SAFB2: variants seen among roughly 807,000 people sequenced by gnomAD.
SAFB2 encodes the protein scaffold attachment factor B2.
Under a neutral mutation model 100.6 loss-of-function variants are expected in SAFB2, and 32 were observed. The observed-to-expected ratio is 0.32, with a 90% CI of 0.24 to 0.43. The LOEUF (loss-of-function observed/expected upper bound fraction) is 0.43. SAFB2 is among the 20% of genes least tolerant of loss of function. The pLI, the probability that SAFB2 is intolerant of heterozygous loss-of-function variation, is 1.00. For missense variants in SAFB2, 1,185 were observed against 1,163.4 expected, an observed-to-expected ratio of 1.02 and a Z score of -0.27; for synonymous variants, 500 against 439.4, an observed-to-expected ratio of 1.14 and a Z score of -1.72.
chr19:5,606,233 G>A (rs541155017), intron 9 of SAFB2, among the ~76,000 whole-genome samples: 1 of 152,354 alleles, frequency 6.6e-6, no homozygotes, highest in South Asian at 2.1e-4. Context: ...TGTGTGTCCA[G>A]TACCTCAGCT....
At chr19:5,602,884 G>A (rs1201923493) in intron 11 of SAFB2, among the ~76,000 whole-genome samples, 3 of 151,962 alleles carry the variant, frequency 2.0e-5, no homozygotes, top group Non-Finnish European at 2.9e-5. Context: ...TTTTGAAGTT[G>A]CTGATTAAAT....
chr19:5,604,891 G>A lies in SAFB2; in HGVS notation c.1342C>T (p.Arg448Ter). ...GACATGGTGACGAATCCATAGCATC[G>A]AGCCCCCGGGCTGCGGGCGTTCGTT... The part of the protein sequence containing the change: ...VVTNARSPGA[R>*]CYGFVTMSTS... The change falls in exon 10 of 21, where the codon CGA (arginine) becomes TGA (stop). Residue 448 changes from arginine to a stop codon, truncating the protein, a stop_gained. Transcript: ENST00000252542. LOFTEE classifies it high-confidence loss of function. The A allele has an allele frequency of 6.2e-7, 1 of 1,613,894 alleles. No homozygotes were observed.
At chr19:5,592,246 C>T (rs2052424702) in intron 16 of SAFB2, among the ~76,000 whole-genome samples, 3 of 152,192 alleles carry the variant, frequency 2.0e-5, no homozygotes, top group Non-Finnish European at 2.9e-5. Context: ...CAGAGATGTG[C>T]AGCCGAGGGG....
At chr19:5,610,832 TG>T in intron 7 of SAFB2, 144 bp from the exon 8 acceptor site, 1 of 750,694 alleles carries the variant, frequency 1.3e-6, no homozygotes, top group Non-Finnish European at 2.1e-6. Flanking sequence ...AAGCTTATAT[TG>T]GAAAATCTGA....
At chr19:5,591,111 G>A (rs999079185) in intron 17 of SAFB2, among the ~76,000 whole-genome samples, 1 of 151,990 alleles carries the variant, frequency 6.6e-6, no homozygotes, top group Admixed American at 6.6e-5. Flanking sequence ...ACCACCATTT[G>A]GGTTCTTGGG....
intron 18 of SAFB2, chr19:5,588,989 G>A (rs146946126): frequency 6.6e-6 from 1 of 152,370 alleles, no homozygotes; most frequent in East Asian, 1.9e-4. Flanking sequence ...AAAGCAGCCA[G>A]ACCCATCTGC....
At chr19:5,596,427 C>T (rs535308027) in intron 13 of SAFB2, among the ~76,000 whole-genome samples, 4 of 152,318 alleles carry the variant, frequency 2.6e-5, no homozygotes, top group African/African-American at 9.6e-5. Flanking sequence ...GGCTCAGTCA[C>T]AGCTCACTGC....
intron 13 of SAFB2, among the ~76,000 whole-genome samples, chr19:5,597,770 T>C: frequency 6.6e-6 from 1 of 152,220 alleles, no homozygotes; most frequent in East Asian, 1.9e-4. Flanking sequence ...CTCTGTATCT[T>C]ATGATTTTCA....
intron 13 of SAFB2, among the ~76,000 whole-genome samples, chr19:5,597,117 A>C (rs565656764): frequency 6.6e-6 from 1 of 152,266 alleles, no homozygotes; most frequent in South Asian, 2.1e-4. Flanking sequence ...ATACCACCGC[A>C]CAGTGGGCAG....
rs1031422756 is a variant in SAFB2, at chr19:5,616,654, T to C, written c.275-168A>G. Among the ~76,000 whole-genome samples, 96 of 134,986 alleles carry C rather than the reference T, an allele frequency of 7.1e-4. 2 individuals are homozygous for C. The East Asian group carries it at 9.9e-3, about 14-fold the overall frequency. 88.6% of individuals were successfully genotyped at this position (134,986 alleles called of 152,430 possible). A position where few individuals can be genotyped will look rare whatever the true frequency, so the allele number is the denominator to read the frequency against. Reference sequence around the variant, plus strand: ...TCTCAATTTGTTTTCTTTTTTTTTTTTTTTTTTTTTTTTTTGAGATGGAGT... The same window carrying C: ...TCTCAATTTGTTTTCTTTTTTTTTTCTTTTTTTTTTTTTTTGAGATGGAGT... On this transcript the variant is annotated intron_variant, in intron 2 of 20. Coordinates refer to ENST00000252542, the MANE Select transcript of SAFB2 (RefSeq NM_014649.3).
intron 2 of SAFB2, 35 bp downstream of exon 2, chr19:5,621,274 G>T (rs986745060): frequency 1.5e-6 from 2 of 1,374,256 alleles, no homozygotes; most frequent in South Asian, 1.2e-5. Context: ...TAAATTCTCT[G>T]AACACTCAAG....
chr19:5,613,822 C>A lies in SAFB2; in HGVS notation c.544-295G>T, dbSNP rs1053963421. 7.9e-6 allele frequency: 6 copies of A among 759,412 alleles called. No homozygotes were observed. The African/African-American group carries it at 1.1e-4, about 14-fold the overall frequency. The allele number at this position is 759,412 out of a possible 1,614,324, so 47.0% of individuals were successfully genotyped here. On this transcript the variant is annotated intron_variant, in intron 4 of 20. Coordinates refer to ENST00000252542, the MANE Select transcript of SAFB2 (RefSeq NM_014649.3). Reference sequence around the variant, plus strand: ...TCTAAGTACTGGTGATTACCACATACCCCTCCAATCACAGGATTTCCAAAG... The same window carrying A: ...TCTAAGTACTGGTGATTACCACATAACCCTCCAATCACAGGATTTCCAAAG...
chr19:5,604,608 G>A lies in SAFB2; in HGVS notation c.1534C>T (p.His512Tyr), dbSNP rs778431894. The A allele has an allele frequency of 1.9e-6, 3 of 1,613,852 alleles. No homozygotes were observed. Among genetic ancestry groups the A allele is most frequent in the Middle Eastern group, 1.6e-4 (1 of 6,062 alleles). The change falls in exon 11 of 21, where the codon CAT becomes TAT. Residue 512 changes from histidine to tyrosine, a missense_variant. Around this residue, in one of 3 missense-constraint regions of SAFB2, gnomAD observed 740 missense variants for 687.1 expected, o/e 1.08. Coordinates refer to ENST00000252542, the MANE Select transcript of SAFB2 (RefSeq NM_014649.3). Reference sequence around the variant, plus strand: ...TTTTCAATTTTGATCTCCACAGAATGATGTCTGTCGACACTCGATAATTTT... The same window carrying A: ...TTTTCAATTTTGATCTCCACAGAATAATGTCTGTCGACACTCGATAATTTT... Reference protein sequence around the residue: ...KEKLSSVDRHHSVEIKIEKTV... With the variant: ...KEKLSSVDRHYSVEIKIEKTV...
rs75307166 is a variant in SAFB2, at chr19:5,594,393, T to C, written c.1920-215A>G. Among the ~76,000 whole-genome samples the C allele has an allele frequency of 2.6e-4, 39 of 152,336 alleles. No homozygotes were observed. The East Asian group carries it at 7.1e-3, about 28-fold the overall frequency. ...AGCACAGCTGGCAACATTTCTAGGT[T>C]TGCTCGAGAACATTTTCCAAATGCT... is the stretch of plus-strand genomic sequence containing the variant. On this transcript the variant is annotated intron_variant, in intron 14 of 20. Transcript: ENST00000252542.
At chr19:5,600,870 T>C (rs1402238389) in intron 11 of SAFB2, among the ~76,000 whole-genome samples, 3 of 152,254 alleles carry the variant, frequency 2.0e-5, no homozygotes, top group African/African-American at 7.2e-5. Context: ...TTCTAAGCAG[T>C]GAAATAAATC....
chr19:5,601,097 T>C (rs919531783), intron 11 of SAFB2, among the ~76,000 whole-genome samples: 1 of 152,202 alleles, frequency 6.6e-6, no homozygotes, highest in Non-Finnish European at 1.5e-5. Context: ...GCCTCTCTGA[T>C]TGCCCCGTCT....
chr19:5,595,317 C>T (rs762505869), intron 14 of SAFB2, 44 bp downstream of exon 14: 29 of 1,589,346 alleles, frequency 1.8e-5, no homozygotes, highest in South Asian at 1.8e-4. Context: ...ACAGCCACCC[C>T]GAGAGGAAAC....
At chr19:5,613,589 C>A (rs998081311) in intron 4 of SAFB2, 62 bp from the exon 5 acceptor site, 3 of 1,584,478 alleles carry the variant, frequency 1.9e-6, no homozygotes, top group Admixed American at 3.5e-5. Context: ...AAGGCTGACA[C>A]CTCGCTTAGG....
chr19:5,610,252 G>T, intron 8 of SAFB2, 157 bp from the exon 9 acceptor site: 1 of 633,366 alleles, frequency 1.6e-6, no homozygotes, highest in Admixed American at 2.7e-5. Flanking sequence ...CACACAGAAG[G>T]CTGAAAATCT....
Sources: allele counts gnomAD v4.1 joint callset (sites outside exome capture counted in the v4.1 genomes callset), GRCh38; gene constraint gnomAD v4.1.1; regional missense constraint gnomAD v4.1.1; transcripts MANE v1.5; gene names NCBI Gene and HGNC (gene_info 2026-07-23, HGNC 2026-07-21).